Variants in LUZP2 observed in about 807,000 individuals in gnomAD.
LUZP2 encodes the protein leucine zipper protein 2.
A neutral mutation model predicts 51.6 loss-of-function variants in LUZP2; 52 were observed. The observed-to-expected ratio is 1.01, with a 90% confidence interval of 0.81 to 1.27. The LOEUF (loss-of-function observed/expected upper bound fraction) is 1.27, where lower values mean the gene tolerates loss of function less well. Ranked by LOEUF, LUZP2 falls within the 50% of genes most tolerant of loss-of-function variation. The probability of loss-of-function intolerance (pLI) is 0.00; values close to 1 mark genes in which losing one functional copy is unlikely to be tolerated. For missense variants in LUZP2, 436 were observed against 395.4 expected (o/e 1.10, Z -0.87); for synonymous variants, 154 against 137.3 (o/e 1.12, Z -0.85).
At chr11:24,503,103 C>T (rs573683584) in intron 1 of LUZP2, among the ~76,000 whole-genome samples, 21 of 152,112 alleles carry the variant, frequency 1.4e-4, no homozygotes, top group African/African-American at 5.1e-4. Flanking sequence ...TTGAAAATGA[C>T]CATATGAAAG....
chr11:24,778,237 CAAAAAATA>C (rs1848995345), intron 5 of LUZP2, among the ~76,000 whole-genome samples: 2 of 151,388 alleles, frequency 1.3e-5, no homozygotes, highest in African/African-American at 4.8e-5. Flanking sequence ...CTCGTCTCTG[CAAAAAATA>C]AAAAAATAAA....
rs189643761 is a variant in LUZP2 at position 24,950,042 on chromosome 11, T to C, written c.523-26549T>C. Among the ~76,000 whole-genome samples the C allele has an allele frequency of 3.5e-3, 521 of 149,716 alleles. 6 individuals are homozygous for C. The highest frequency in any genetic ancestry group is 0.012 in the African/African-American group (480 of 40,904). On this transcript the variant is annotated intron_variant, in intron 7 of 11. Coordinates refer to ENST00000336930, the MANE Select transcript of LUZP2 (RefSeq NM_001009909.4). Reference sequence around the variant, plus strand: ...ACTAGGAGGGGCAGTAATGGGTGGATACCCATGATGGATGGGTATATGGAG... The same window carrying C: ...ACTAGGAGGGGCAGTAATGGGTGGACACCCATGATGGATGGGTATATGGAG...
intron 1 of LUZP2, among the ~76,000 whole-genome samples, chr11:24,569,285 A>G (rs1156955464): frequency 6.6e-6 from 1 of 152,072 alleles, no homozygotes; most frequent in South Asian, 2.1e-4. Context: ...AAATTAATTC[A>G]GCATATAGTA....
In LUZP2 at chr11:24,983,168, T is replaced by C. The variant is rs916861187; in HGVS notation, c.640T>C (p.Leu214=). The part of the protein sequence containing the change: ...KAMKETVQLC[L]TSVFRDQPPP... The stretch of plus-strand genomic sequence containing the variant: ...AATGAAAGAGACTGTGCAGCTCTGC[T>C]TGACATCTGTTTTCCGTGATCAGCC... Residue 214 remains leucine (L), a synonymous_variant, in exon 9 of 12, where the codon TTG becomes CTG. Coordinates refer to ENST00000336930, the MANE Select transcript of LUZP2 (RefSeq NM_001009909.4). 6.2e-7 allele frequency: 1 copy of C among 1,612,218 alleles called. No homozygotes were observed. Among genetic ancestry groups the C allele is most frequent in the Admixed American group, 1.7e-5 (1 of 59,772 alleles).
chr11:24,875,358 T>A (rs2134277482), intron 5 of LUZP2, among the ~76,000 whole-genome samples: 1 of 149,818 alleles, frequency 6.7e-6, no homozygotes, highest in South Asian at 2.1e-4. Context: ...TGGTGTTTGG[T>A]TTTTTGTTCT....
At chr11:24,717,304 C>CT (rs1036340055) in intron 1 of LUZP2, among the ~76,000 whole-genome samples, 15 of 143,392 alleles carry the variant, frequency 1.0e-4, no homozygotes, top group African/African-American at 4.5e-4. Flanking sequence ...TTTTAAAAAA[C>CT]TTTTAGGTTC....
chr11:25,063,461 C>T lies in LUZP2; in HGVS notation c.858+13331C>T, dbSNP rs1332790465. ...ATCTTCACACCAGCATTGTAAAAGA[C>T]AGAAAGGGAAAGAGAAGAGAGAGGA... On this transcript the variant is annotated intron_variant, in intron 10 of 11. Transcript: ENST00000336930. Among the ~76,000 whole-genome samples the T allele has an allele frequency of 5.3e-5, 8 of 151,664 alleles. 1 individual carries two copies. Among genetic ancestry groups the T allele is most frequent in the African/African-American group, 1.9e-4 (8 of 41,366 alleles).
chr11:24,832,347 A>ATAAAC (rs149442105), intron 5 of LUZP2, among the ~76,000 whole-genome samples: 1,740 of 152,114 alleles, frequency 0.011, 37 homozygotes, highest in African/African-American at 0.039. Context: ...ATAAAATAAA[A>ATAAAC]TAATAGTCTT....
At chr11:24,503,658 A>G (rs1850068209) in intron 1 of LUZP2, among the ~76,000 whole-genome samples, 1 of 152,144 alleles carries the variant, frequency 6.6e-6, no homozygotes, top group African/African-American at 2.4e-5. Context: ...AAAGCCCTAC[A>G]ATTTAGAGGT....
At chr11:24,573,388 T>G (rs1852503064) in intron 1 of LUZP2, among the ~76,000 whole-genome samples, 1 of 152,180 alleles carries the variant, frequency 6.6e-6, no homozygotes, top group African/African-American at 2.4e-5. Flanking sequence ...TCTAAACTTT[T>G]ATTTAAAGTT....
intron 5 of LUZP2, chr11:24,892,235 C>T (rs1852878312): frequency 2.0e-6 from 2 of 985,344 alleles, no homozygotes; most frequent in Admixed American, 6.2e-5. Context: ...CCAGATTCAG[C>T]CTATATTTAT....
chr11:24,966,556 G>T (rs188912558), intron 7 of LUZP2, among the ~76,000 whole-genome samples: 1 of 149,766 alleles, frequency 6.7e-6, no homozygotes, highest in Non-Finnish European at 1.5e-5. Flanking sequence ...ATTTTTGTTT[G>T]TGAATAGTGT....
intron 1 of LUZP2, among the ~76,000 whole-genome samples, chr11:24,630,573 AC>A (rs1242622596): frequency 2.6e-5 from 4 of 151,634 alleles, no homozygotes; most frequent in African/African-American, 9.7e-5. Context: ...CCAGTATCAT[AC>A]TGTTTAGGTT....
chr11:24,652,487 G>A (rs1023258301), intron 1 of LUZP2, among the ~76,000 whole-genome samples: 2 of 152,106 alleles, frequency 1.3e-5, no homozygotes, highest in East Asian at 3.9e-4. Flanking sequence ...TCATTTGCAG[G>A]AAAACAGTGA....
chr11:24,610,577 C>G (rs1297058027), intron 1 of LUZP2, among the ~76,000 whole-genome samples: 1 of 152,200 alleles, frequency 6.6e-6, no homozygotes, highest in Non-Finnish European at 1.5e-5. Context: ...TAACATCTCA[C>G]AGAATCCAGT....
At chr11:24,521,077 G>A (rs531078860) in intron 1 of LUZP2, among the ~76,000 whole-genome samples, 8 of 152,274 alleles carry the variant, frequency 5.3e-5, no homozygotes, top group Middle Eastern at 3.4e-3. Context: ...GTGGCTGGGC[G>A]TGGTGGCTCA....
chr11:24,628,989 T>C (rs1483856001), intron 1 of LUZP2, among the ~76,000 whole-genome samples: 2 of 152,140 alleles, frequency 1.3e-5, no homozygotes, highest in Non-Finnish European at 1.5e-5. Flanking sequence ...GCATAATATA[T>C]GGTATATTAT....
At chr11:24,665,895 T>C (rs1856196933) in intron 1 of LUZP2, among the ~76,000 whole-genome samples, 1 of 152,204 alleles carries the variant, frequency 6.6e-6, no homozygotes, top group Non-Finnish European at 1.5e-5. Context: ...TAATTCATTA[T>C]AGTCTTATCA....
chr11:24,852,174 T>A (rs1436721224), intron 5 of LUZP2, among the ~76,000 whole-genome samples: 16 of 152,184 alleles, frequency 1.1e-4, no homozygotes, highest in Admixed American at 1.0e-3. Context: ...CCCTTGCTTC[T>A]CTAGTTCTTT....
Sources: allele counts gnomAD v4.1 joint callset (sites outside exome capture counted in the v4.1 genomes callset), GRCh38; gene constraint gnomAD v4.1.1; transcripts MANE v1.5; gene names NCBI Gene and HGNC (gene_info 2026-07-23, HGNC 2026-07-21).